Variants in ESRRG observed in about 807,000 individuals in gnomAD.
ESRRG encodes the protein estrogen-related receptor gamma.
Under a neutral mutation model 44.0 loss-of-function variants are expected in ESRRG, and 13 were observed. The observed-to-expected ratio is 0.30, with a 90% CI of 0.19 to 0.47. The LOEUF (loss-of-function observed/expected upper bound fraction) is 0.47. Ranked by LOEUF, ESRRG falls within the 20% of genes least tolerant of loss-of-function variation. The pLI is 1.00. For synonymous variants in ESRRG, 215 were observed against 214.6 expected, an observed-to-expected ratio of 1.00 and a Z score of -0.02; for missense variants, 395 against 580.6, an observed-to-expected ratio of 0.68 and a Z score of 3.29.
At chr1:217,021,509 T>C (rs1214969730) in intron 1 of ESRRG, among the ~76,000 whole-genome samples, 1 of 152,190 alleles carries the variant, frequency 6.6e-6, no homozygotes, top group Admixed American at 6.5e-5. Context: ...AGGAGATTGA[T>C]GGGATTGGAG....
intron 5 of ESRRG, among the ~76,000 whole-genome samples, chr1:216,561,704 AT>A (rs11338029): frequency 0.02 from 3,009 of 151,476 alleles, 86 homozygotes; most frequent in East Asian, 0.063. Context: ...GTATTATTAA[AT>A]TTTTTTTTTA....
intron 2 of ESRRG, among the ~76,000 whole-genome samples, chr1:216,930,910 T>A (rs1462794173): frequency 2.0e-5 from 3 of 152,216 alleles, no homozygotes; most frequent in African/African-American, 7.2e-5. Context: ...GATTACGATT[T>A]TTAAAGTGAA....
chr1:216,862,002 A>C (rs1285802794), intron 2 of ESRRG, among the ~76,000 whole-genome samples: 1 of 152,142 alleles, frequency 6.6e-6, no homozygotes, highest in Non-Finnish European at 1.5e-5. Context: ...ACTACTACAC[A>C]TCTATTAGAA....
At chr1:217,087,421 C>A (rs1270026673) in intron 1 of ESRRG, among the ~76,000 whole-genome samples, 1 of 152,206 alleles carries the variant, frequency 6.6e-6, no homozygotes, top group Non-Finnish European at 1.5e-5. Context: ...GAGATGGGAA[C>A]ATGGTACTCT....
At chr1:216,541,658 T>C (rs1327851296) in intron 5 of ESRRG, among the ~76,000 whole-genome samples, 1 of 150,828 alleles carries the variant, frequency 6.6e-6, no homozygotes, top group Non-Finnish European at 1.5e-5. Context: ...GAGGGACATA[T>C]AAAGAGAAGC....
At chr1:216,606,999 C>CTA (rs1408744116) in intron 3 of ESRRG, among the ~76,000 whole-genome samples, 1 of 152,124 alleles carries the variant, frequency 6.6e-6, no homozygotes, top group Non-Finnish European at 1.5e-5. Flanking sequence ...TGTAGATATT[C>CTA]TAGGGAATCC....
At chr1:216,967,904 T>C (rs1353765214) in intron 1 of ESRRG, among the ~76,000 whole-genome samples, 1 of 152,182 alleles carries the variant, frequency 6.6e-6, no homozygotes, top group Non-Finnish European at 1.5e-5. Context: ...CATCAGCATT[T>C]GGTATTGTCA....
At chr1:216,544,605 C>T (rs1469860736) in intron 5 of ESRRG, among the ~76,000 whole-genome samples, 1 of 152,008 alleles carries the variant, frequency 6.6e-6, no homozygotes, top group Non-Finnish European at 1.5e-5. Flanking sequence ...TTAGCATCAA[C>T]CTCCTCTCAA....
At chr1:216,764,296 G>A (rs946262562) in intron 2 of ESRRG, among the ~76,000 whole-genome samples, 1 of 150,368 alleles carries the variant, frequency 6.7e-6, no homozygotes, top group Non-Finnish European at 1.5e-5. Flanking sequence ...TTCTGACAGG[G>A]TCTTGTTTTG....
chr1:216,903,936 G>A (rs1178636096), intron 2 of ESRRG, among the ~76,000 whole-genome samples: 2 of 152,114 alleles, frequency 1.3e-5, no homozygotes, highest in Non-Finnish European at 2.9e-5. Flanking sequence ...GGCACAAGAG[G>A]GAGGAGGCAG....
At chr1:216,615,838 C>A (rs1045481648) in intron 3 of ESRRG, among the ~76,000 whole-genome samples, 3 of 151,586 alleles carry the variant, frequency 2.0e-5, no homozygotes, top group African/African-American at 4.9e-5. Context: ...CAGGCACCCA[C>A]ACCACACCCA....
intron 1 of ESRRG, among the ~76,000 whole-genome samples, chr1:217,041,616 A>G (rs1452644426): frequency 6.6e-6 from 1 of 152,196 alleles, no homozygotes; most frequent in East Asian, 1.9e-4. Flanking sequence ...CAGTCACCAC[A>G]ACAAGCCCAG....
intron 2 of ESRRG, among the ~76,000 whole-genome samples, chr1:216,879,013 G>T (rs549507025): frequency 6.6e-6 from 1 of 152,152 alleles, no homozygotes; most frequent in Non-Finnish European, 1.5e-5. Flanking sequence ...ACAAAAAAGC[G>T]CTAGGTGAGC....
intron 1 of ESRRG, among the ~76,000 whole-genome samples, chr1:216,942,864 G>T (rs2065473946): frequency 6.6e-6 from 1 of 152,042 alleles, no homozygotes; most frequent in African/African-American, 2.4e-5. Flanking sequence ...TCTGTAGGTT[G>T]TCTCTCTTTT....
chr1:217,035,514 C>A (rs1428355554), intron 1 of ESRRG, among the ~76,000 whole-genome samples: 1 of 151,858 alleles, frequency 6.6e-6, no homozygotes, highest in Non-Finnish European at 1.5e-5. Context: ...AGTTTTCTCC[C>A]CTAGACAATC....
intron 3 of ESRRG, among the ~76,000 whole-genome samples, chr1:216,584,231 T>G (rs901229527): frequency 3.3e-5 from 5 of 152,020 alleles, no homozygotes; most frequent in African/African-American, 1.2e-4. Flanking sequence ...TCTCTGTTTT[T>G]TTAATTCTAT....
Position 216,916,834 on chromosome 1 carries a change from C to CTTTTTTTTTTTTTT in ESRRG, c.-14+22734_-14+22747dup, listed in dbSNP as rs749847047. 1.1e-4 allele frequency among the ~76,000 whole-genome samples: 7 copies of CTTTTTTTTTTTTTT among 62,480 alleles called. 2 individuals carry two copies. Among genetic ancestry groups the CTTTTTTTTTTTTTT allele is most frequent in the Non-Finnish European group, 2.0e-4 (7 of 35,818 alleles). The allele number at this position is 62,480 out of a possible 152,430, so 41.0% of individuals were successfully genotyped here. A position where few individuals can be genotyped will look rare whatever the true frequency, so the allele number is the denominator to read the frequency against. ...GGTTCAAATTCCACTCAGCTTTGGT[C>CTTTTTTTTTTTTTT]TTTTTTTTTTTTTTTTTTTTTTTTT... On this transcript the variant is annotated intron_variant, in intron 2 of 7. Coordinates refer to the ESRRG transcript ENST00000359162.
intron 3 of ESRRG, among the ~76,000 whole-genome samples, chr1:216,580,087 A>G (rs759699271): frequency 6.6e-5 from 10 of 152,226 alleles, no homozygotes; most frequent in Admixed American, 1.3e-4. Context: ...ATTTTGGTGT[A>G]TGTTGTAAAG....
chr1:216,669,256 T>C (rs936670485), intron 2 of ESRRG, among the ~76,000 whole-genome samples: 2 of 152,146 alleles, frequency 1.3e-5, no homozygotes, highest in African/African-American at 4.8e-5. Flanking sequence ...ACCTCAAAAG[T>C]ATAATTTAGG....
Sources: gnomAD v4.1 joint callset for allele counts (sites outside exome capture counted in the v4.1 genomes callset) on GRCh38, gnomAD v4.1.1 for gene constraint, MANE v1.5 for transcripts, NCBI Gene and HGNC (gene_info 2026-07-23, HGNC 2026-07-21) for gene names.